Variants in ITPRID1 observed in about 807,000 individuals in gnomAD.
ITPRID1 encodes the protein ITPR interacting domain containing 1, also known as protein ITPRID1.
ITPRID1 carries 96 observed loss-of-function variants against 95.4 expected under a neutral mutation model. That is an observed-to-expected ratio of 1.01 (90% CI 0.85 to 1.19). ITPRID1 has a LOEUF of 1.19. Ranked by LOEUF, ITPRID1 falls within the 50% of genes most tolerant of loss-of-function variation. The pLI is 0.00. For synonymous variants in ITPRID1, 510 were observed against 453.6 expected, an observed-to-expected ratio of 1.12 and a Z score of -1.58; for missense variants, 1,339 against 1,252.9, an observed-to-expected ratio of 1.07 and a Z score of -1.04.
intron 9 of ITPRID1, 58 bp downstream of exon 9, chr7:31,578,492 CTT>C: frequency 7.7e-7 from 1 of 1,301,974 alleles, no homozygotes; most frequent in East Asian, 2.4e-5. Flanking sequence ...CTATGACACC[CTT>C]GTTTTCCAGC....
intron 5 of ITPRID1, among the ~76,000 whole-genome samples, chr7:31,567,681 A>G (rs1583507854): frequency 6.6e-6 from 1 of 151,160 alleles, no homozygotes. Context: ...TCCCGGGTTC[A>G]CACCATTCTC....
chr7:31,648,284 C>T (rs978309906), intron 12 of ITPRID1, among the ~76,000 whole-genome samples: 3 of 151,990 alleles, frequency 2.0e-5, no homozygotes, highest in Admixed American at 2.0e-4. Flanking sequence ...TAGAGCAGAA[C>T]TTGCATTTGG....
intron 7 of ITPRID1, among the ~76,000 whole-genome samples, chr7:31,572,641 G>A (rs1324852769): frequency 6.6e-6 from 1 of 152,132 alleles, no homozygotes; most frequent in African/African-American, 2.4e-5. Flanking sequence ...ACTGGAAGAG[G>A]GTCAGGATTG....
At chr7:31,543,994 A>C (rs1210543057) in intron 1 of ITPRID1, among the ~76,000 whole-genome samples, 1 of 152,094 alleles carries the variant, frequency 6.6e-6, no homozygotes, top group African/African-American at 2.4e-5. Context: ...TCACTTGTTA[A>C]AGAGATGATC....
intron 14 of ITPRID1, 140 bp from the exon 15 acceptor site, chr7:31,652,378 C>T: frequency 1.5e-6 from 2 of 1,298,750 alleles, no homozygotes; most frequent in Non-Finnish European, 2.1e-6. Flanking sequence ...AGCTAAGTCA[C>T]TATCAGAATC....
chr7:31,655,984 T>G lies in ITPRID1; in HGVS notation c.*3155T>G. ...TCCAATTCTATTCCCCTAAACCACC[T>G]CCTGTGTTCCTGCTTCCTCTCCTTT... On this transcript the variant is annotated 3_prime_UTR_variant, in exon 15 of 15. Transcript: ENST00000615280. 1.0e-6 allele frequency: 1 copy of G among 985,330 alleles called. No homozygotes were observed. Among genetic ancestry groups the G allele is most frequent in the Non-Finnish European group, 1.2e-6 (1 of 829,880 alleles). The allele number at this position is 985,330 out of a possible 1,614,324, so 61.0% of individuals were successfully genotyped here. A position where few individuals can be genotyped will look rare whatever the true frequency, so the allele number is the denominator to read the frequency against.
chr7:31,627,971 G>C (rs2128189221), intron 10 of ITPRID1, among the ~76,000 whole-genome samples: 1 of 152,278 alleles, frequency 6.6e-6, no homozygotes, highest in East Asian at 1.9e-4. Context: ...TTACTGAAGT[G>C]GGTGGGATTC....
At chr7:31,519,606 C>CTATATA (rs1783156662) in intron 1 of ITPRID1, among the ~76,000 whole-genome samples, 1 of 56,840 alleles carries the variant, frequency 1.8e-5, no homozygotes, top group Non-Finnish European at 3.5e-5. Flanking sequence ...CTCTCTCTCT[C>CTATATA]TCTCTCTCTC....
At chr7:31,566,688 G>A (rs1215463099) in intron 5 of ITPRID1, among the ~76,000 whole-genome samples, 1 of 152,282 alleles carries the variant, frequency 6.6e-6, no homozygotes, top group Admixed American at 6.5e-5. Flanking sequence ...ATTACAATAT[G>A]ATCACCTAAA....
Position 31,651,928 on chromosome 7 carries a change from T to G in ITPRID1, c.2712-11T>G, listed in dbSNP as rs1790992925. Reference sequence around the variant, plus strand: ...TGTTAAATTTGGTTATTTTCTATTATTTACTTGCAGGGAGGAGGCCGAGCA... The same window carrying G: ...TGTTAAATTTGGTTATTTTCTATTAGTTACTTGCAGGGAGGAGGCCGAGCA... On this transcript the variant is annotated splice_polypyrimidine_tract_variant and intron_variant, in intron 13 of 14. Coordinates refer to ENST00000615280, the MANE Select transcript of ITPRID1 (RefSeq NM_001257967.3). The G allele has an allele frequency of 6.4e-7, 1 of 1,566,898 alleles. No homozygotes were observed. Among genetic ancestry groups the G allele is most frequent in the Admixed American group, 1.9e-5 (1 of 53,532 alleles).
chr7:31,572,302 AT>A, intron 7 of ITPRID1, 114 bp downstream of exon 7: 1 of 640,860 alleles, frequency 1.6e-6, no homozygotes, highest in Non-Finnish European at 2.7e-6. Flanking sequence ...TGAATAAAAG[AT>A]TTTCAAACCC....
intron 10 of ITPRID1, among the ~76,000 whole-genome samples, chr7:31,625,638 G>C (rs1562626158): frequency 6.6e-6 from 1 of 152,030 alleles, no homozygotes; most frequent in East Asian, 1.9e-4. Context: ...GGGAGGAGGG[G>C]GGAGGGATAG....
At chr7:31,543,357 G>GA (rs777897086) in intron 1 of ITPRID1, among the ~76,000 whole-genome samples, 8 of 151,972 alleles carry the variant, frequency 5.3e-5, no homozygotes, top group Non-Finnish European at 8.8e-5. Flanking sequence ...AGTCGGCTGG[G>GA]AAAAAACCTT....
intron 1 of ITPRID1, among the ~76,000 whole-genome samples, chr7:31,533,257 A>T (rs1378792533): frequency 6.6e-6 from 1 of 152,146 alleles, no homozygotes; most frequent in Non-Finnish European, 1.5e-5. Context: ...TTTCCAAAAA[A>T]AATTGTCAGT....
chr7:31,657,580 C>T (rs556540029), downstream of ITPRID1, among the ~76,000 whole-genome samples: 6 of 152,256 alleles, frequency 3.9e-5, no homozygotes, highest in East Asian at 1.9e-4. Flanking sequence ...ATACCACTTG[C>T]CCACTGCCAA....
chr7:31,613,745 C>T (rs1247347851), intron 10 of ITPRID1, among the ~76,000 whole-genome samples: 2 of 152,170 alleles, frequency 1.3e-5, no homozygotes, highest in East Asian at 3.9e-4. Context: ...AAATAACCAA[C>T]AGCACTCTGG....
intron 1 of ITPRID1, among the ~76,000 whole-genome samples, chr7:31,516,623 A>G (rs183780719): frequency 4.9e-5 from 7 of 143,148 alleles, no homozygotes; most frequent in Admixed American, 2.1e-4. Context: ...GCCAAAGCTT[A>G]TAAACTTAAA....
At chr7:31,632,630 GACTAA>G (rs978131238) in intron 10 of ITPRID1, among the ~76,000 whole-genome samples, 2 of 152,060 alleles carry the variant, frequency 1.3e-5, no homozygotes, top group Admixed American at 1.3e-4. Context: ...CACAACTTCT[GACTAA>G]ACTAACACAA....
intron 1 of ITPRID1, among the ~76,000 whole-genome samples, chr7:31,548,295 A>C (rs1218167296): frequency 2.0e-5 from 3 of 152,114 alleles, no homozygotes; most frequent in Non-Finnish European, 2.9e-5. Context: ...TACCATACTA[A>C]AATTTTCAGT....
Sources: allele counts gnomAD v4.1 joint callset (sites outside exome capture counted in the v4.1 genomes callset), GRCh38; gene constraint gnomAD v4.1.1; transcripts MANE v1.5; gene names NCBI Gene and HGNC (gene_info 2026-07-23, HGNC 2026-07-21).